Variants in RIMS1 observed in about 807,000 individuals in gnomAD.
RIMS1 encodes regulating synaptic membrane exocytosis protein 1.
RIMS1 carries 83 observed loss-of-function variants against 214.1 expected under a neutral mutation model. The ratio of observed to expected loss-of-function variants is 0.39; its 90% CI spans 0.32 to 0.47. The LOEUF is 0.47. Among genes scored for constraint, RIMS1 ranks in the 20% least tolerant of loss-of-function variants. The pLI is 0.99. For synonymous variants in RIMS1, 793 were observed against 786.8 expected (o/e 1.01, Z -0.13); for missense variants, 2,050 against 2,161.8 (o/e 0.95, Z 1.03).
chr6:72,386,038 G>T (rs1279687114), intron 29 of RIMS1, among the ~76,000 whole-genome samples: 4 of 152,058 alleles, frequency 2.6e-5, no homozygotes, highest in African/African-American at 7.2e-5. Flanking sequence ...ACAAAATCAA[G>T]TAAATATAAA....
chr6:72,263,661 T>C (rs1048450894), intron 19 of RIMS1: 1 of 985,226 alleles, frequency 1.0e-6, no homozygotes, highest in African/African-American at 1.7e-5. Flanking sequence ...GTCGACTGTC[T>C]AGAAAGGAGG....
chr6:72,053,318 G>A (rs147794722), intron 2 of RIMS1, among the ~76,000 whole-genome samples: 5 of 152,174 alleles, frequency 3.3e-5, no homozygotes, highest in Non-Finnish European at 7.4e-5. Context: ...GCATATTTAC[G>A]TTGCCTATTT....
intron 2 of RIMS1, among the ~76,000 whole-genome samples, chr6:72,085,588 T>C (rs1834473085): frequency 6.6e-6 from 1 of 152,036 alleles, no homozygotes; most frequent in African/African-American, 2.4e-5. Flanking sequence ...TGTGAAAAAA[T>C]TGCCTTCATT....
At chr6:72,136,636 A>T (rs983035783) in intron 4 of RIMS1, among the ~76,000 whole-genome samples, 1 of 152,158 alleles carries the variant, frequency 6.6e-6, no homozygotes, top group Non-Finnish European at 1.5e-5. Context: ...TTCTCTTTCT[A>T]AAATAATCAC....
chr6:72,020,271 A>G (rs1222401731), intron 2 of RIMS1, among the ~76,000 whole-genome samples: 1 of 152,200 alleles, frequency 6.6e-6, no homozygotes, highest in Non-Finnish European at 1.5e-5. Flanking sequence ...GGTACTGGAG[A>G]TAATAAGGTG....
At chr6:72,093,755 T>A (rs2030050694) in intron 2 of RIMS1, among the ~76,000 whole-genome samples, 1 of 152,166 alleles carries the variant, frequency 6.6e-6, no homozygotes, top group Non-Finnish European at 1.5e-5. Context: ...TCTTTTAGAT[T>A]GACTTTTTTC....
intron 2 of RIMS1, among the ~76,000 whole-genome samples, chr6:72,002,824 C>G (rs1224975124): frequency 6.6e-6 from 1 of 152,052 alleles, no homozygotes; most frequent in Non-Finnish European, 1.5e-5. Flanking sequence ...TGTTGTTTAC[C>G]CTTTCATCCA....
At chr6:72,196,321 C>T (rs2050863164) in intron 6 of RIMS1, among the ~76,000 whole-genome samples, 2 of 151,832 alleles carry the variant, frequency 1.3e-5, no homozygotes, top group African/African-American at 2.4e-5. Context: ...ATTGAAAATG[C>T]CATGAATGCA....
intron 26 of RIMS1, among the ~76,000 whole-genome samples, chr6:72,300,195 C>T (rs544822636): frequency 6.6e-6 from 1 of 151,674 alleles, no homozygotes; most frequent in East Asian, 1.9e-4. Flanking sequence ...TGCTTTTGAC[C>T]CTGTTTTCCC....
At chr6:72,045,291 C>T (rs967550006) in intron 2 of RIMS1, among the ~76,000 whole-genome samples, 6 of 151,484 alleles carry the variant, frequency 4.0e-5, no homozygotes, top group Admixed American at 2.0e-4. Flanking sequence ...TATGATGAGT[C>T]GTATTATATT....
intron 4 of RIMS1, among the ~76,000 whole-genome samples, chr6:72,178,892 G>A (rs1259320257): frequency 2.6e-5 from 4 of 152,194 alleles, no homozygotes; most frequent in East Asian, 3.8e-4. Flanking sequence ...TCTCCTTGGG[G>A]AACATTACAT....
chr6:72,385,024 G>A (rs1053920394), intron 29 of RIMS1, among the ~76,000 whole-genome samples: 1 of 152,174 alleles, frequency 6.6e-6, no homozygotes, highest in Admixed American at 6.6e-5. Flanking sequence ...GAACACGGGT[G>A]AAATATTGCC....
rs188374986 is a variant in RIMS1, at chr6:72,136,301, A to G, written c.471+36315A>G. 4.3e-3 allele frequency among the ~76,000 whole-genome samples: 658 copies of G among 152,266 alleles called. 7 individuals carry two copies. Among genetic ancestry groups the G allele is most frequent in the African/African-American group, 0.015 (642 of 41,564 alleles). Reference sequence around the variant, plus strand: ...AGAACATAAATACAAAATAGAGGAAAATATTCCCAAATTGTTAAGCATGAT... The same window carrying G: ...AGAACATAAATACAAAATAGAGGAAGATATTCCCAAATTGTTAAGCATGAT... On this transcript the variant is annotated intron_variant, in intron 4 of 33. Transcript: ENST00000521978.
intron 6 of RIMS1, among the ~76,000 whole-genome samples, chr6:72,196,603 T>TTTTTTTTTA (rs780611745): frequency 2.6e-4 from 35 of 132,200 alleles, no homozygotes; most frequent in Admixed American, 6.9e-4. Flanking sequence ...TTTTTTTTTT[T>TTTTTTTTTA]ACCTATACAG....
chr6:71,916,154 A>T (rs1258421358), intron 1 of RIMS1, among the ~76,000 whole-genome samples: 2 of 152,152 alleles, frequency 1.3e-5, no homozygotes. Flanking sequence ...TAGTGGTGAG[A>T]AAAATGGCAA....
intron 15 of RIMS1, among the ~76,000 whole-genome samples, chr6:72,251,965 G>A (rs1359684515): frequency 5.3e-5 from 8 of 152,210 alleles, no homozygotes; most frequent in Middle Eastern, 3.4e-3. Context: ...CATCCGGCTC[G>A]GCCTCCCAAA....
intron 6 of RIMS1, among the ~76,000 whole-genome samples, chr6:72,190,147 G>C (rs1245670675): frequency 2.0e-5 from 3 of 152,170 alleles, no homozygotes; most frequent in Non-Finnish European, 4.4e-5. Flanking sequence ...CTTCACTGCT[G>C]TCCTTCAGGG....
At chr6:71,941,669 A>G (rs1464127701) in intron 1 of RIMS1, among the ~76,000 whole-genome samples, 1 of 152,108 alleles carries the variant, frequency 6.6e-6, no homozygotes, top group Non-Finnish European at 1.5e-5. Context: ...GCTCCATATT[A>G]TGTCTGCTTT....
At chr6:72,304,698 A>C (rs1234012254) in intron 26 of RIMS1, among the ~76,000 whole-genome samples, 1 of 151,982 alleles carries the variant, frequency 6.6e-6, no homozygotes, top group Non-Finnish European at 1.5e-5. Context: ...TTACTGAAGC[A>C]CAATAACTTG....
Sources: gnomAD v4.1 joint callset for allele counts (sites outside exome capture counted in the v4.1 genomes callset) on GRCh38, gnomAD v4.1.1 for gene constraint, MANE v1.5 for transcripts, NCBI Gene and HGNC (gene_info 2026-07-23, HGNC 2026-07-21) for gene names.